The following UGGT2 variants were observed in gnomAD, a reference collection of about 807,000 sequenced individuals.
UGGT2 encodes the protein UDP-glucose glycoprotein glucosyltransferase 2, also known as UDP-glucose:glycoprotein glucosyltransferase 2.
Under a neutral mutation model 192.1 loss-of-function variants are expected in UGGT2, and 180 were observed. The ratio of observed to expected loss-of-function variants is 0.94; its 90% CI spans 0.83 to 1.06. The LOEUF is 1.06. UGGT2 is among the 50% of genes least tolerant of loss of function. The pLI is 0.00. For synonymous variants in UGGT2, 580 were observed against 591.0 expected (o/e 0.98, Z 0.27); for missense variants, 1,849 against 1,795.7 (o/e 1.03, Z -0.54).
intron 22 of UGGT2, among the ~76,000 whole-genome samples, 192 bp downstream of exon 22, chr13:95,900,615 G>A (rs1594269505): frequency 6.6e-6 from 1 of 152,060 alleles, no homozygotes; most frequent in Admixed American, 6.6e-5. Context: ...CATTAAATGG[G>A]GGAAAGAATG....
intron 15 of UGGT2, among the ~76,000 whole-genome samples, chr13:95,946,425 G>C (rs2049870628): frequency 6.6e-6 from 1 of 152,226 alleles, no homozygotes; most frequent in Admixed American, 6.5e-5. Context: ...CTGGAGTGCA[G>C]TGGCTCGATC....
chr13:95,804,219 A>C (rs1255493896), intron 38 of UGGT2, among the ~76,000 whole-genome samples: 5 of 152,312 alleles, frequency 3.3e-5, no homozygotes, highest in Non-Finnish European at 7.4e-5. Context: ...GTAGCATCAA[A>C]AGGATCAAAA....
chr13:95,904,732 T>C (rs149672620), intron 20 of UGGT2, among the ~76,000 whole-genome samples: 1,952 of 152,238 alleles, frequency 0.013, 43 homozygotes, highest in African/African-American at 0.045. Context: ...TCTTTGCTAC[T>C]GTGAACAATG....
chr13:95,983,929 CA>C, intron 9 of UGGT2, 65 bp from the exon 10 acceptor site: 1 of 1,057,066 alleles, frequency 9.5e-7, no homozygotes, highest in African/African-American at 1.6e-5. Context: ...CTATATAACC[CA>C]ATGTAATCTA....
At chr13:96,006,799 A>G (rs1277855127) in intron 5 of UGGT2, among the ~76,000 whole-genome samples, 1 of 152,188 alleles carries the variant, frequency 6.6e-6, no homozygotes, top group Non-Finnish European at 1.5e-5. Flanking sequence ...AGTACCACAC[A>G]TGGGAAACAT....
intron 36 of UGGT2, among the ~76,000 whole-genome samples, chr13:95,852,602 A>C (rs990297449): frequency 6.6e-6 from 1 of 152,250 alleles, no homozygotes; most frequent in Non-Finnish European, 1.5e-5. Context: ...AATATCTGGC[A>C]CATAGCAGGT....
Position 96,053,228 on chromosome 13 carries a change from C to A in UGGT2, c.85G>T (p.Val29Phe). The A allele has an allele frequency of 1.9e-6, 3 of 1,543,106 alleles. No homozygotes were observed. Among genetic ancestry groups the A allele is most frequent in the Non-Finnish European group, 2.6e-6 (3 of 1,151,600 alleles). Reference protein sequence around the residue: ...LWLSQLGSGTVAASKSVTAHL... With the variant: ...LWLSQLGSGTFAASKSVTAHL... ...GCAGTCACCGACTTGGACGCGGCGA[C>A]CGTCCCGGAGCCGAGCTGCGAAAGC... is the stretch of plus-strand genomic sequence containing the variant. The change falls in exon 1 of 39, where the codon GTC becomes TTC. Residue 29 changes from valine to phenylalanine, a missense_variant. Coordinates refer to ENST00000376747, the MANE Select transcript of UGGT2 (RefSeq NM_020121.4).
chr13:95,896,792 T>C (rs1172733304), intron 22 of UGGT2, among the ~76,000 whole-genome samples: 2 of 152,074 alleles, frequency 1.3e-5, no homozygotes, highest in East Asian at 1.9e-4. Flanking sequence ...AATGTCCAAG[T>C]TGGGTAAAAG....
At chr13:95,843,583 T>C (rs1405987768) in intron 36 of UGGT2, among the ~76,000 whole-genome samples, 1 of 152,182 alleles carries the variant, frequency 6.6e-6, no homozygotes, top group Non-Finnish European at 1.5e-5. Flanking sequence ...TCTCCTATCT[T>C]CTAAACATTT....
chr13:96,052,858 G>A (rs539501317), intron 1 of UGGT2, among the ~76,000 whole-genome samples: 2 of 152,252 alleles, frequency 1.3e-5, no homozygotes, highest in Admixed American at 6.5e-5. Flanking sequence ...AAGCTCTTGC[G>A]TTAAGTGCCA....
rs181691231 is a variant in UGGT2, at chr13:96,003,706, C to A, written c.661-4399G>T. Reference sequence around the variant, plus strand: ...AAGACAAGAAACTCCAGCTATCAGCCTGAACTGCCACACAGGTCTGTCAGA... The same window carrying A: ...AAGACAAGAAACTCCAGCTATCAGCATGAACTGCCACACAGGTCTGTCAGA... On this transcript the variant is annotated intron_variant, in intron 5 of 38. Coordinates refer to ENST00000376747, the MANE Select transcript of UGGT2 (RefSeq NM_020121.4). Among the ~76,000 whole-genome samples the A allele has an allele frequency of 3.1e-4, 47 of 152,264 alleles. 1 individual carries two copies. The Middle Eastern group carries it at 0.01, about 33-fold the overall frequency.
intron 20 of UGGT2, among the ~76,000 whole-genome samples, chr13:95,905,339 G>C (rs2048251811): frequency 6.6e-6 from 1 of 150,804 alleles, no homozygotes; most frequent in African/African-American, 2.4e-5. Context: ...TGTTGCCATT[G>C]CTTTTGGTGT....
chr13:95,881,009 C>T (rs2047476640), intron 27 of UGGT2, among the ~76,000 whole-genome samples: 1 of 152,128 alleles, frequency 6.6e-6, no homozygotes, highest in Non-Finnish European at 1.5e-5. Context: ...CCCGTCTCTA[C>T]TAAAAATACA....
At chr13:95,835,201 T>C (rs1887156217) in intron 37 of UGGT2, among the ~76,000 whole-genome samples, 1 of 152,168 alleles carries the variant, frequency 6.6e-6, no homozygotes, top group South Asian at 2.1e-4. Flanking sequence ...AAGTGGCTAC[T>C]GCACTGGAAG....
chr13:95,926,578 G>A (rs903129548), intron 19 of UGGT2, among the ~76,000 whole-genome samples: 11 of 152,130 alleles, frequency 7.2e-5, no homozygotes, highest in African/African-American at 2.7e-4. Context: ...CGGTCCCACT[G>A]CAGACTTCTC....
At chr13:95,971,854 C>T (rs73560891) in intron 11 of UGGT2, among the ~76,000 whole-genome samples, 3,322 of 152,146 alleles carry the variant, frequency 0.022, 119 homozygotes, top group African/African-American at 0.076. Context: ...TATTTTCCAA[C>T]GTATTTCCAA....
intron 13 of UGGT2, 46 bp downstream of exon 13, chr13:95,949,288 TG>T: frequency 7.2e-7 from 1 of 1,387,174 alleles, no homozygotes; most frequent in South Asian, 1.8e-5. Context: ...GAAAGAATGC[TG>T]ATATCTTTAT....
At chr13:95,931,413 C>T (rs898677786) in intron 17 of UGGT2, among the ~76,000 whole-genome samples, 2 of 152,184 alleles carry the variant, frequency 1.3e-5, no homozygotes, top group African/African-American at 4.8e-5. Context: ...GGGGAGCTGC[C>T]CGCCACTCCC....
chr13:96,015,278 A>AC (rs2052297215), intron 4 of UGGT2, among the ~76,000 whole-genome samples: 1 of 53,190 alleles, frequency 1.9e-5, no homozygotes, highest in African/African-American at 6.4e-5. Context: ...ACTCCGTCTC[A>AC]AAAAAAAAAA....
Sources: gnomAD v4.1 joint callset for allele counts (sites outside exome capture counted in the v4.1 genomes callset) on GRCh38, gnomAD v4.1.1 for gene constraint, MANE v1.5 for transcripts, NCBI Gene and HGNC (gene_info 2026-07-23, HGNC 2026-07-21) for gene names.